Variants in PTP4A1 observed in about 807,000 individuals in gnomAD.
The protein encoded by PTP4A1 is protein tyrosine phosphatase 4A1, also known as protein tyrosine phosphatase type IVA 1.
PTP4A1 carries 9 observed loss-of-function variants against 20.5 expected under a neutral mutation model. That is an observed-to-expected ratio of 0.44 (90% CI 0.26 to 0.77). PTP4A1 has a LOEUF of 0.77. PTP4A1 is among the 30% of genes least tolerant of loss of function. The probability of loss-of-function intolerance (pLI) is 0.19; values close to 1 mark genes in which losing one functional copy is unlikely to be tolerated. For synonymous variants in PTP4A1, 78 were observed against 67.4 expected, an observed-to-expected ratio of 1.16 and a Z score of -0.77; for missense variants, 137 against 218.8, an observed-to-expected ratio of 0.63 and a Z score of 2.36.
At chr6:63,564,148 G>T (rs1341406075) in intron 3 of PTP4A1, among the ~76,000 whole-genome samples, 2 of 151,904 alleles carry the variant, frequency 1.3e-5, no homozygotes, top group African/African-American at 4.8e-5. Flanking sequence ...GGTGGCAGGT[G>T]CCTGGTAATC....
At chr6:63,577,015 A>G in intron 2 of PTP4A1, 30 bp downstream of exon 2, 1 of 1,531,996 alleles carries the variant, frequency 6.5e-7, no homozygotes, top group Non-Finnish European at 9.0e-7. Context: ...AGTAGCTTAA[A>G]TTGATTGCAA....
chr6:63,581,982 CAA>C lies in PTP4A1; in HGVS notation c.*1810_*1811del, dbSNP rs1380561642. ...ATAGCAGTTATAAATGTAAAGGACT[CAA>C]AGTTTAAGTAAAAAGTGATACTCCA... On this transcript the variant is annotated 3_prime_UTR_variant, in exon 6 of 6. Transcript: ENST00000626021. The C allele has an allele frequency of 6.6e-6, 1 of 152,064 alleles. No individual in the cohort carries two copies. The highest frequency in any genetic ancestry group is 1.9e-4 in the East Asian group (1 of 5,194). 9.4% of individuals were successfully genotyped at this position (152,064 alleles called of 1,614,324 possible). A position where few individuals can be genotyped will look rare whatever the true frequency, so the allele number is the denominator to read the frequency against.
At chr6:63,544,229 G>A (rs1166674637) in intron 2 of PTP4A1, among the ~76,000 whole-genome samples, 2 of 152,130 alleles carry the variant, frequency 1.3e-5, no homozygotes, top group Non-Finnish European at 2.9e-5. Flanking sequence ...ATGAAGAAAA[G>A]ATGCAAGAAA....
intron 2 of PTP4A1, among the ~76,000 whole-genome samples, chr6:63,534,538 G>A (rs905013680): frequency 2.0e-5 from 3 of 151,818 alleles, no homozygotes; most frequent in Admixed American, 6.6e-5. Context: ...ATTTATGCTG[G>A]GTGCAGTGGC....
At chr6:63,517,220 A>G (rs1363188909), upstream of PTP4A1, among the ~76,000 whole-genome samples, 1 of 152,172 alleles carries the variant, frequency 6.6e-6, no homozygotes, top group South Asian at 2.1e-4. Flanking sequence ...GGAAAGTCTT[A>G]CCTTTCAGAC....
chr6:63,519,660 A>G (rs1338811426), upstream of PTP4A1, among the ~76,000 whole-genome samples: 1 of 152,224 alleles, frequency 6.6e-6, no homozygotes, highest in Non-Finnish European at 1.5e-5. Context: ...AAAAAGTAGG[A>G]CATGAAAATG....
At chr6:63,578,342 G>A in intron 2 of PTP4A1, 95 bp from the exon 3 acceptor site, 1 of 1,341,048 alleles carries the variant, frequency 7.5e-7, no homozygotes, top group Non-Finnish European at 9.8e-7. Context: ...CTGTTAACCA[G>A]CATACTTACT....
Position 63,572,543 on chromosome 6 carries a change from C to T in PTP4A1, c.-622C>T, listed in dbSNP as rs1038229503. On this transcript the variant is annotated 5_prime_UTR_variant, in exon 1 of 6. Coordinates refer to ENST00000626021, the MANE Select transcript of PTP4A1 (RefSeq NM_003463.5). The stretch of plus-strand genomic sequence containing the variant: ...GCTCGGCTACGCGCTCTGCTCCGAG[C>T]CGCTCACTGCATGGTAGAGTCTGGT... The T allele has an allele frequency of 2.8e-5, 11 of 396,340 alleles. No homozygotes were observed. The highest frequency in any genetic ancestry group is 4.9e-5 in the Non-Finnish European group (11 of 225,188). The allele number at this position is 396,340 out of a possible 1,614,324, so 24.6% of individuals were successfully genotyped here. A position where few individuals can be genotyped will look rare whatever the true frequency, so the allele number is the denominator to read the frequency against.
At chr6:63,575,823 T>G (rs561239532) in intron 1 of PTP4A1, among the ~76,000 whole-genome samples, 1 of 152,230 alleles carries the variant, frequency 6.6e-6, no homozygotes, top group South Asian at 2.1e-4. Flanking sequence ...GATAACAGAT[T>G]GTTAAGGATA....
intron 2 of PTP4A1, among the ~76,000 whole-genome samples, chr6:63,531,444 T>C (rs1349518997): frequency 6.6e-6 from 1 of 151,020 alleles, no homozygotes; most frequent in Non-Finnish European, 1.5e-5. Context: ...AATGCCTACA[T>C]AGACATCACA....
chr6:63,545,084 G>A lies in PTP4A1; in HGVS notation c.-639-5216G>A, dbSNP rs1014394048. Among the ~76,000 whole-genome samples the A allele has an allele frequency of 9.9e-5, 15 of 152,242 alleles. No homozygotes were observed. In the Middle Eastern group the frequency reaches 0.01, roughly 104 times the overall value. Reference sequence around the variant, plus strand: ...AACATGTACCAATTGGCATTCTACTGTAAGGAGGTTTCCCTTCTTGCTCAA... The same window carrying A: ...AACATGTACCAATTGGCATTCTACTATAAGGAGGTTTCCCTTCTTGCTCAA... On this transcript the variant is annotated intron_variant, in intron 2 of 3. Coordinates refer to the PTP4A1 transcript ENST00000639568.
At chr6:63,560,315 G>C (rs1302762291) in intron 3 of PTP4A1, among the ~76,000 whole-genome samples, 1 of 142,776 alleles carries the variant, frequency 7.0e-6, no homozygotes, top group East Asian at 2.0e-4. Flanking sequence ...TCCAGCCTGG[G>C]TGACAAGAGT....
chr6:63,556,152 C>T (rs1426656124), intron 3 of PTP4A1, among the ~76,000 whole-genome samples: 2 of 152,040 alleles, frequency 1.3e-5, no homozygotes, highest in African/African-American at 4.8e-5. Context: ...AGTTTATTTT[C>T]TTAATTTTAA....
At position 63,580,746 on chromosome 6, in the gene PTP4A1, C is replaced by G. The variant is rs759160228; in HGVS notation, c.*572C>G. ...ACCATTGATTTTTTTTTTTTTTTAC[C>G]AAGTCTTACAGTGATTATTTTACGT... is the stretch of plus-strand genomic sequence containing the variant. On this transcript the variant is annotated 3_prime_UTR_variant, in exon 6 of 6. Coordinates refer to ENST00000626021, the MANE Select transcript of PTP4A1 (RefSeq NM_003463.5). 1.3e-5 allele frequency: 2 copies of G among 149,442 alleles called. No homozygotes were observed. The highest frequency in any genetic ancestry group is 1.3e-4 in the Admixed American group (2 of 14,994). 9.3% of individuals were successfully genotyped at this position (149,442 alleles called of 1,614,324 possible). A position where few individuals can be genotyped will look rare whatever the true frequency, so the allele number is the denominator to read the frequency against.
upstream of PTP4A1, chr6:63,571,643 T>C (rs1777430884): frequency 1.3e-5 from 2 of 152,240 alleles, no homozygotes; most frequent in African/African-American, 4.8e-5. Context: ...TCCTAACCTT[T>C]CATTATCTGA....
chr6:63,552,454 GT>G (rs1204500636), intron 3 of PTP4A1, among the ~76,000 whole-genome samples: 1 of 152,020 alleles, frequency 6.6e-6, no homozygotes, highest in Non-Finnish European at 1.5e-5. Context: ...AGATGAGTAG[GT>G]TGCAAAAATT....
intron 2 of PTP4A1, among the ~76,000 whole-genome samples, chr6:63,528,347 G>A (rs930651964): frequency 2.0e-5 from 3 of 152,140 alleles, no homozygotes; most frequent in African/African-American, 7.2e-5. Context: ...TGCAGTCCCA[G>A]CTACTCTGGA....
At chr6:63,579,490 T>C (rs1021395705) in intron 5 of PTP4A1, among the ~76,000 whole-genome samples, 159 bp downstream of exon 5, 2 of 152,260 alleles carry the variant, frequency 1.3e-5, no homozygotes, top group African/African-American at 4.8e-5. Context: ...TTGCATTTCA[T>C]GCAGTTGCTC....
At chr6:63,558,825 A>G (rs1022735093) in intron 3 of PTP4A1, among the ~76,000 whole-genome samples, 2 of 152,214 alleles carry the variant, frequency 1.3e-5, no homozygotes, top group African/African-American at 4.8e-5. Flanking sequence ...AAGCCATCCC[A>G]GGGGCCCCCA....
Sources: allele counts gnomAD v4.1 joint callset (sites outside exome capture counted in the v4.1 genomes callset), GRCh38; gene constraint gnomAD v4.1.1; transcripts MANE v1.5; gene names NCBI Gene and HGNC (gene_info 2026-07-23, HGNC 2026-07-21).